NKAIN2: variants seen among roughly 807,000 people sequenced by gnomAD.
NKAIN2 encodes sodium/potassium-transporting ATPase subunit beta-1-interacting protein 2.
A neutral mutation model predicts 32.6 loss-of-function variants in NKAIN2; 14 were observed. The observed-to-expected ratio is 0.43, with a 90% CI of 0.28 to 0.67. NKAIN2 has a LOEUF of 0.67. Ranked by LOEUF, NKAIN2 falls within the 30% of genes least tolerant of loss-of-function variation. NKAIN2 has a pLI of 0.17. For synonymous variants in NKAIN2, 80 were observed against 87.2 expected (o/e 0.92, Z 0.46); for missense variants, 198 against 258.3 (o/e 0.77, Z 1.60).
intron 3 of NKAIN2, among the ~76,000 whole-genome samples, chr6:124,598,342 A>G (rs1782175318): frequency 6.6e-6 from 1 of 152,190 alleles, no homozygotes; most frequent in Non-Finnish European, 1.5e-5. Flanking sequence ...TGTCAGCTCT[A>G]TATCACTTCA....
chr6:124,062,149 T>C (rs951079195), intron 1 of NKAIN2, among the ~76,000 whole-genome samples: 170 of 152,316 alleles, frequency 1.1e-3, no homozygotes, highest in African/African-American at 3.9e-3. Flanking sequence ...AAACGTGAAA[T>C]TTGCTAACCT....
chr6:124,264,052 T>A lies in NKAIN2; in HGVS notation c.55-18953T>A, dbSNP rs145533666. ...CTGTGGATAAGTCCTAACTACCTCT[T>A]AATAGGTGTTAGACTTCCCCAGCTC... is the stretch of plus-strand genomic sequence containing the variant. On this transcript the variant is annotated intron_variant, in intron 1 of 6. Transcript: ENST00000368417. Among the ~76,000 whole-genome samples the A allele has an allele frequency of 3.6e-3, 550 of 152,318 alleles. 2 individuals carry two copies. Among genetic ancestry groups the A allele is most frequent in the African/African-American group, 0.012 (517 of 41,578 alleles).
intron 1 of NKAIN2, among the ~76,000 whole-genome samples, chr6:124,099,940 T>C (rs949396076): frequency 6.6e-6 from 1 of 152,198 alleles, no homozygotes; most frequent in Non-Finnish European, 1.5e-5. Context: ...TTCTGTTGGA[T>C]TTAAAGATCG....
In NKAIN2 at chr6:124,283,355, A is replaced by T. The variant is rs1409221182; in HGVS notation, c.192+213A>T. ...CTTGATAGTGAGTGTGATCAGACTG[A>T]ATTCTCATAATTTGTACTTTCAGCG... On this transcript the variant is annotated intron_variant, in intron 2 of 6. Transcript: ENST00000368417. 9 of 355,628 alleles carry T rather than the reference A, an allele frequency of 2.5e-5. No individual in the cohort carries two copies. In the East Asian group the frequency reaches 3.5e-4, roughly 14 times the overall value. 22.0% of individuals were successfully genotyped at this position (355,628 alleles called of 1,614,324 possible). A position where few individuals can be genotyped will look rare whatever the true frequency, so the allele number is the denominator to read the frequency against.
intron 1 of NKAIN2, among the ~76,000 whole-genome samples, chr6:124,244,378 A>G (rs1413218415): frequency 1.3e-5 from 2 of 151,696 alleles, no homozygotes; most frequent in Non-Finnish European, 2.9e-5. Context: ...ACTGAGAATG[A>G]TGATTTCCAG....
intron 1 of NKAIN2, among the ~76,000 whole-genome samples, chr6:123,980,691 G>A (rs1778847811): frequency 7.0e-6 from 1 of 142,966 alleles, no homozygotes; most frequent in South Asian, 2.4e-4. Flanking sequence ...AGAAGCAAAG[G>A]CTTTTGAATG....
At chr6:123,955,131 A>T (rs967759719) in intron 1 of NKAIN2, among the ~76,000 whole-genome samples, 14 of 151,506 alleles carry the variant, frequency 9.2e-5, no homozygotes, top group African/African-American at 3.2e-4. Context: ...CATTTATTGC[A>T]TGAGACATCA....
At chr6:124,027,139 C>CTTT (rs60788673) in intron 1 of NKAIN2, among the ~76,000 whole-genome samples, 10 of 137,072 alleles carry the variant, frequency 7.3e-5, no homozygotes, top group Non-Finnish European at 1.4e-4. Flanking sequence ...AATTATCACT[C>CTTT]TTTTTTTTTT....
intron 1 of NKAIN2, among the ~76,000 whole-genome samples, chr6:123,860,294 G>T (rs1035123806): frequency 2.6e-5 from 4 of 152,300 alleles, no homozygotes; most frequent in South Asian, 2.1e-4. Context: ...TAAAAAAAAT[G>T]CTGGGAATTA....
At chr6:124,326,076 T>C (rs1405434022) in intron 2 of NKAIN2, among the ~76,000 whole-genome samples, 2 of 151,850 alleles carry the variant, frequency 1.3e-5, no homozygotes, top group Non-Finnish European at 2.9e-5. Flanking sequence ...TTACTTCTTT[T>C]GTTATTTTTA....
chr6:124,429,909 A>G (rs181509736), intron 3 of NKAIN2, among the ~76,000 whole-genome samples: 1 of 152,168 alleles, frequency 6.6e-6, no homozygotes, highest in Admixed American at 6.5e-5. Flanking sequence ...AAGAATTAGC[A>G]TCGGGGACAG....
At chr6:124,172,684 T>C (rs1288732921) in intron 1 of NKAIN2, among the ~76,000 whole-genome samples, 4 of 152,184 alleles carry the variant, frequency 2.6e-5, no homozygotes, top group Admixed American at 1.3e-4. Flanking sequence ...TATGGAATCA[T>C]TACTTCTTTT....
intron 1 of NKAIN2, among the ~76,000 whole-genome samples, chr6:124,203,411 T>C (rs2114633017): frequency 6.6e-6 from 1 of 152,032 alleles, no homozygotes; most frequent in South Asian, 2.1e-4. Flanking sequence ...TATCACAGGC[T>C]CAAAAATACT....
intron 1 of NKAIN2, among the ~76,000 whole-genome samples, chr6:123,842,660 T>C (rs993512506): frequency 2.0e-5 from 3 of 152,014 alleles, no homozygotes; most frequent in Non-Finnish European, 4.4e-5. Context: ...GATTTGACTC[T>C]TGTCTATGTT....
chr6:124,804,629 C>G (rs1780434958), intron 5 of NKAIN2: 2 of 153,380 alleles, frequency 1.3e-5, no homozygotes, highest in African/African-American at 2.4e-5. Context: ...TAGGGAGTGC[C>G]AGACAGTGGG....
chr6:124,225,607 G>T (rs1291694743), intron 1 of NKAIN2, among the ~76,000 whole-genome samples: 2 of 151,816 alleles, frequency 1.3e-5, no homozygotes, highest in African/African-American at 4.8e-5. Flanking sequence ...CCGTTATCAA[G>T]AGTCATAATA....
chr6:124,584,639 G>A (rs1334891872), intron 3 of NKAIN2, among the ~76,000 whole-genome samples: 1 of 140,780 alleles, frequency 7.1e-6, no homozygotes, highest in Non-Finnish European at 1.5e-5. Context: ...GGCAACAAGA[G>A]CGAAACTCCA....
At chr6:124,510,383 A>G (rs1005465210) in intron 3 of NKAIN2, among the ~76,000 whole-genome samples, 1 of 152,116 alleles carries the variant, frequency 6.6e-6, no homozygotes, top group African/African-American at 2.4e-5. Flanking sequence ...AAAACCTTTA[A>G]TGCTATGTTA....
At chr6:123,836,182 A>G (rs1774610783) in intron 1 of NKAIN2, among the ~76,000 whole-genome samples, 1 of 151,912 alleles carries the variant, frequency 6.6e-6, no homozygotes, top group African/African-American at 2.4e-5. Flanking sequence ...AGAACTCGCT[A>G]CTCTGGAAGG....
Sources: gnomAD v4.1 joint callset for allele counts (sites outside exome capture counted in the v4.1 genomes callset) on GRCh38, gnomAD v4.1.1 for gene constraint, MANE v1.5 for transcripts, NCBI Gene and HGNC (gene_info 2026-07-23, HGNC 2026-07-21) for gene names.